The following KANSL1 variants were observed in gnomAD, a reference collection of about 807,000 sequenced individuals.
KANSL1 encodes the protein KAT8 regulatory NSL complex subunit 1, also known as MLL1/MLL complex subunit KANSL1.
KANSL1 carries 22 observed loss-of-function variants against 103.6 expected under a neutral mutation model. That is an observed-to-expected ratio of 0.21 (90% CI 0.15 to 0.30). The LOEUF is 0.30. Ranked by LOEUF, KANSL1 falls within the 10% of genes least tolerant of loss-of-function variation. The probability of loss-of-function intolerance (pLI) is 1.00; values close to 1 mark genes in which losing one functional copy is unlikely to be tolerated. For missense variants in KANSL1, 1,337 were observed against 1,399.8 expected, an observed-to-expected ratio of 0.96 and a Z score of 0.72; for synonymous variants, 600 against 527.6, an observed-to-expected ratio of 1.14 and a Z score of -1.88.
At chr17:46,155,931 T>C (rs2045402185) in intron 2 of KANSL1, among the ~76,000 whole-genome samples, 1 of 152,228 alleles carries the variant, frequency 6.6e-6, no homozygotes, top group Non-Finnish European at 1.5e-5. Flanking sequence ...AAACCCTATC[T>C]CTCAAAAGAA....
At chr17:46,136,431 C>A (rs745536060) in intron 2 of KANSL1, among the ~76,000 whole-genome samples, 1 of 152,202 alleles carries the variant, frequency 6.6e-6, no homozygotes, top group Non-Finnish European at 1.5e-5. Flanking sequence ...CGGACCATAT[C>A]GTTACCCTCT....
intron 2 of KANSL1, among the ~76,000 whole-genome samples, chr17:46,109,180 T>C (rs1198567720): frequency 6.6e-6 from 1 of 152,134 alleles, no homozygotes; most frequent in Non-Finnish European, 1.5e-5. Flanking sequence ...ACTCCTAGGC[T>C]CAGGTGATTC....
chr17:46,149,095 CG>C (rs2147466055), intron 2 of KANSL1, among the ~76,000 whole-genome samples: 1 of 151,598 alleles, frequency 6.6e-6, no homozygotes, highest in Admixed American at 6.6e-5. Context: ...CTCCACCTCC[CG>C]GGTTCACGCC....
intron 1 of KANSL1, among the ~76,000 whole-genome samples, chr17:46,213,427 A>G (rs1351958968): frequency 2.0e-5 from 3 of 149,498 alleles, no homozygotes; most frequent in Admixed American, 1.3e-4. Flanking sequence ...CAGCCTCCCG[A>G]GTAGCTGGGA....
Position 46,059,628 on chromosome 17 carries a change from C to CAA in KANSL1, c.1848+6907_1848+6908dup, listed in dbSNP as rs146430605. Among the ~76,000 whole-genome samples, 127 of 74,324 alleles carry CAA rather than the reference C, an allele frequency of 1.7e-3. 4 individuals carry two copies. The highest frequency in any genetic ancestry group is 0.012 in the East Asian group (10 of 852). 48.8% of individuals were successfully genotyped at this position (74,324 alleles called of 152,430 possible). On this transcript the variant is annotated intron_variant, in intron 6 of 14. Transcript: ENST00000432791. ...ACAGAGCGAGGCGAGGCTCTGACTC[C>CAA]AAAAAAAAAAAAAAAAAAAAGAGAG...
intron 1 of KANSL1, among the ~76,000 whole-genome samples, chr17:46,213,215 T>C (rs1453677843): frequency 6.6e-6 from 1 of 152,206 alleles, no homozygotes; most frequent in Non-Finnish European, 1.5e-5. Flanking sequence ...AAAAAGAAAA[T>C]ACTGTGTATC....
At chr17:46,060,942 ACTACAAAATT>A (rs1172689866) in intron 6 of KANSL1, among the ~76,000 whole-genome samples, 1 of 152,226 alleles carries the variant, frequency 6.6e-6, no homozygotes, top group East Asian at 1.9e-4. Flanking sequence ...GACAACAAGG[ACTACAAAATT>A]CTAAAATGAT....
chr17:46,199,496 A>T (rs2047723600), intron 1 of KANSL1, among the ~76,000 whole-genome samples: 1 of 152,262 alleles, frequency 6.6e-6, no homozygotes, highest in African/African-American at 2.4e-5. Flanking sequence ...GTACTGACTG[A>T]ATCCAGTAGA....
chr17:46,065,768 G>C (rs542051576), intron 6 of KANSL1, among the ~76,000 whole-genome samples: 12 of 152,344 alleles, frequency 7.9e-5, no homozygotes, highest in African/African-American at 2.9e-4. Flanking sequence ...TATTTGAAGA[G>C]TCAGCAATCT....
intron 3 of KANSL1, among the ~76,000 whole-genome samples, chr17:46,090,361 T>C (rs539055115): frequency 1.3e-5 from 2 of 152,374 alleles, no homozygotes; most frequent in African/African-American, 2.4e-5. Context: ...TAGTTTGTTA[T>C]GACAGTCTAG....
intron 4 of KANSL1, among the ~76,000 whole-genome samples, chr17:46,068,494 A>G (rs62060801): frequency 0.14 from 21,794 of 152,102 alleles, 2,132 homozygotes; most frequent in Non-Finnish European, 0.22. Flanking sequence ...CACCTGAGCC[A>G]GGAGGCAGAG....
At chr17:46,099,120 G>A (rs1396545625) in intron 2 of KANSL1, among the ~76,000 whole-genome samples, 2 of 115,946 alleles carry the variant, frequency 1.7e-5, no homozygotes, top group East Asian at 1.9e-4. Context: ...TCAGGAGATC[G>A]AGACCATCCT....
intron 2 of KANSL1, among the ~76,000 whole-genome samples, chr17:46,140,453 A>G (rs1315587892): frequency 2.0e-5 from 3 of 152,202 alleles, no homozygotes; most frequent in Non-Finnish European, 4.4e-5. Flanking sequence ...TCCTGGAAAA[A>G]AGCATAGGAG....
At chr17:46,065,136 C>CT (rs369694354) in intron 6 of KANSL1, among the ~76,000 whole-genome samples, 25,386 of 142,952 alleles carry the variant, frequency 0.18, 2,367 homozygotes, top group East Asian at 0.46. Context: ...CCACAGCAGG[C>CT]TTTTTTTTTT....
chr17:46,219,976 G>A (rs1384916912), intron 1 of KANSL1, among the ~76,000 whole-genome samples: 8 of 151,948 alleles, frequency 5.3e-5, no homozygotes, highest in Admixed American at 2.6e-4. Flanking sequence ...GGTGGCGGGC[G>A]CCTGTGGTCC....
intron 6 of KANSL1, among the ~76,000 whole-genome samples, chr17:46,065,158 G>C (rs2078332943): frequency 6.7e-6 from 1 of 149,590 alleles, no homozygotes; most frequent in Non-Finnish European, 1.5e-5. Flanking sequence ...TTAAAGATAT[G>C]GGGTCTCACT....
chr17:46,200,212 T>A (rs2047752537), intron 1 of KANSL1, among the ~76,000 whole-genome samples: 1 of 152,206 alleles, frequency 6.6e-6, no homozygotes, highest in African/African-American at 2.4e-5. Flanking sequence ...GATTAAGCAA[T>A]CTACGCAGGA....
chr17:46,214,324 C>A (rs2048272251), intron 1 of KANSL1, among the ~76,000 whole-genome samples: 1 of 152,210 alleles, frequency 6.6e-6, no homozygotes. Flanking sequence ...TCCAGCAATA[C>A]AGTCTTTAAC....
chr17:46,158,368 T>G (rs1336968047), intron 2 of KANSL1, among the ~76,000 whole-genome samples: 1 of 151,958 alleles, frequency 6.6e-6, no homozygotes, highest in Non-Finnish European at 1.5e-5. Flanking sequence ...AGAGACTTTT[T>G]TTTTTTTTTT....
Sources: allele counts gnomAD v4.1 joint callset (sites outside exome capture counted in the v4.1 genomes callset), GRCh38; gene constraint gnomAD v4.1.1; transcripts MANE v1.5; gene names NCBI Gene and HGNC (gene_info 2026-07-23, HGNC 2026-07-21).